Variants in TLE3 observed in about 807,000 individuals in gnomAD.
The protein encoded by TLE3 is transducin-like enhancer protein 3.
In TLE3, 14 loss-of-function variants were observed where a neutral mutation model predicts 93.0. That is an observed-to-expected ratio of 0.15 (90% CI 0.10 to 0.24). The LOEUF (loss-of-function observed/expected upper bound fraction) is 0.24, where lower values mean the gene tolerates loss of function less well. Among genes scored for constraint, TLE3 ranks in the 10% least tolerant of loss-of-function variants. The probability of loss-of-function intolerance (pLI) is 1.00; values close to 1 mark genes in which losing one functional copy is unlikely to be tolerated. For synonymous variants in TLE3, 451 were observed against 425.0 expected (o/e 1.06, Z -0.75); for missense variants, 693 against 1,046.6 (o/e 0.66, Z 4.66).
intron 2 of TLE3, 72 bp from the exon 3 acceptor site, chr15:70,095,713 C>T: frequency 2.6e-6 from 4 of 1,511,688 alleles, no homozygotes; most frequent in Non-Finnish European, 3.5e-6. Context: ...ACCCAAGGGC[C>T]TCTAGAGCCA....
Position 70,060,677 on chromosome 15 carries a change from A to G in TLE3, c.595-28T>C. The stretch of plus-strand genomic sequence containing the variant: ...GGAAGGAAAAAGAGGGTTCGGGGTT[A>G]AAACTTTCTGCTGCGTGTAACAATT... On this transcript the variant is annotated intron_variant, in intron 8 of 19. Transcript: ENST00000451782. 1.9e-6 allele frequency: 3 copies of G among 1,611,550 alleles called. No individual in the cohort carries two copies. In the Admixed American group the frequency reaches 5.0e-5, roughly 27 times the overall value.
chr15:70,073,275 A>C (rs573748777), intron 6 of TLE3, among the ~76,000 whole-genome samples: 44 of 152,318 alleles, frequency 2.9e-4, no homozygotes, highest in African/African-American at 9.1e-4. Flanking sequence ...ACTGAGGCCC[A>C]AGGAAGAGAA....
Position 70,074,591 on chromosome 15 carries a change from G to A in TLE3, c.314C>T (p.Ala105Val), listed in dbSNP as rs776335125. The A allele has an allele frequency of 1.7e-5, 27 of 1,609,814 alleles. No individual in the cohort carries two copies. The highest frequency in any genetic ancestry group is 2.0e-5 in the Non-Finnish European group (24 of 1,178,338). The change falls in exon 6 of 20, where the codon GCG (alanine) becomes GTG (valine). Residue 105 changes from alanine to valine, a missense_variant. Coordinates refer to ENST00000451782, the MANE Select transcript of TLE3 (RefSeq NM_001105192.3). ...CTGCTTGGCGCGCTCCACTGCCTGC[G>A]CCACCTGCTGCTGGTGCTGGAGGGA... The part of the protein sequence containing the change: ...FLSQEHQQQV[A>V]QAVERAKQVT...
At chr15:70,052,636 C>T in intron 17 of TLE3, 112 bp from the exon 18 acceptor site, 1 of 1,266,294 alleles carries the variant, frequency 7.9e-7, no homozygotes, top group Non-Finnish European at 1.1e-6. Context: ...TCCCTCCCCA[C>T]CCACCCAATA....
At chr15:70,053,151 C>A in intron 17 of TLE3, 76 bp downstream of exon 17, 1 of 1,521,756 alleles carries the variant, frequency 6.6e-7, no homozygotes. Flanking sequence ...TCCCTTTGTC[C>A]CTGACCCAGC....
Position 70,097,798 on chromosome 15 carries a change from ACG to A in TLE3, c.-1002_-1001del, listed in dbSNP as rs2058632594. On this transcript the variant is annotated 5_prime_UTR_variant, in exon 1 of 20. Transcript: ENST00000451782. ...ACACCCAACACACACACACGCGCGC[ACG>A]CACACACACACACACCAAAAAAAAA... The A allele has an allele frequency of 5.6e-5, 19 of 339,918 alleles. No individual in the cohort carries two copies. Among genetic ancestry groups the A allele is most frequent in the Non-Finnish European group, 6.4e-5 (13 of 202,476 alleles). 21.1% of individuals were successfully genotyped at this position (339,918 alleles called of 1,614,324 possible).
At chr15:70,077,949 T>C (rs1230536262) in intron 4 of TLE3, among the ~76,000 whole-genome samples, 1 of 152,230 alleles carries the variant, frequency 6.6e-6, no homozygotes, top group African/African-American at 2.4e-5. Flanking sequence ...TGGGGCACTC[T>C]AGCCAGGACA....
chr15:70,063,163 C>T (rs1377900228), intron 8 of TLE3, among the ~76,000 whole-genome samples: 2 of 152,140 alleles, frequency 1.3e-5, no homozygotes, highest in East Asian at 3.9e-4. Flanking sequence ...GAATTATTCC[C>T]ATGGTATGGA....
At chr15:70,067,834 G>A (rs2056906264) in intron 6 of TLE3, among the ~76,000 whole-genome samples, 1 of 152,242 alleles carries the variant, frequency 6.6e-6, no homozygotes, top group Non-Finnish European at 1.5e-5. Context: ...TCAGTTCTGG[G>A]TGAAAGGCTG....
rs2055372309 is a variant in TLE3 at position 70,049,957 on chromosome 15, A to T, written c.*140T>A. ...ACTGTGACGGGGCACGTGCCCTCTC[A>T]GCCGGCCGGAGCGCAGCCCTGAACG... On this transcript the variant is annotated 3_prime_UTR_variant, in exon 20 of 20. Transcript: ENST00000451782. The T allele has an allele frequency of 4.5e-6, 3 of 663,956 alleles. No homozygotes were observed. The highest frequency in any genetic ancestry group is 8.0e-6 in the Non-Finnish European group (3 of 376,364). The allele number at this position is 663,956 out of a possible 1,614,324, so 41.1% of individuals were successfully genotyped here.
At chr15:70,064,656 G>A (rs2056702051) in intron 7 of TLE3, among the ~76,000 whole-genome samples, 186 bp from the exon 8 acceptor site, 1 of 152,172 alleles carries the variant, frequency 6.6e-6, no homozygotes, top group Admixed American at 6.5e-5. Flanking sequence ...GCCATTAGGT[G>A]GCGTTTCTCG....
At position 70,058,299 on chromosome 15, in the gene TLE3, G is replaced by A. The variant is rs910824351; in HGVS notation, c.919-8C>T. On this transcript the variant is annotated splice_region_variant and splice_polypyrimidine_tract_variant and intron_variant, in intron 11 of 19. Coordinates refer to ENST00000451782, the MANE Select transcript of TLE3 (RefSeq NM_001105192.3). This position sits in a 1 kb window ranked among gnomAD's most constrained non-coding sequence, Gnocchi z 4.1. The stretch of plus-strand genomic sequence containing the variant: ...GGTGGAGGATTTGTCGTTCTGAAGA[G>A]GGGAGATGCAGAACAAGGGAGGCCA... 4 of 1,597,286 alleles carry A rather than the reference G, an allele frequency of 2.5e-6. No individual in the cohort carries two copies. The African/African-American group carries it at 5.4e-5, about 21-fold the overall frequency.
intron 4 of TLE3, among the ~76,000 whole-genome samples, chr15:70,089,414 G>A (rs1305497849): frequency 6.6e-6 from 1 of 152,142 alleles, no homozygotes; most frequent in African/African-American, 2.4e-5. Flanking sequence ...TAACTGCTTT[G>A]GGAATGAATC....
At chr15:70,060,484 C>G in intron 9 of TLE3, 46 bp downstream of exon 9, 1 of 1,610,098 alleles carries the variant, frequency 6.2e-7, no homozygotes, top group Non-Finnish European at 8.5e-7. Context: ...CACCCCCTGC[C>G]CTACCCAACA....
At position 70,065,095 on chromosome 15, in the gene TLE3, C is replaced by CAGTAA. The variant is rs796614673; in HGVS notation, c.578-626_578-625insTTACT. Among the ~76,000 whole-genome samples the CAGTAA allele has an allele frequency of 1.5e-3, 222 of 152,282 alleles. 1 individual carries two copies. Among genetic ancestry groups the CAGTAA allele is most frequent in the African/African-American group, 5.2e-3 (215 of 41,564 alleles). ...CTCTTCCTCTGCCAAAAGGACCATC[C>CAGTAA]TACTGTAAGACAAAAAAATGTAGCC... On this transcript the variant is annotated intron_variant, in intron 7 of 19. Transcript: ENST00000451782.
intron 4 of TLE3, among the ~76,000 whole-genome samples, chr15:70,076,598 A>C (rs1490903856): frequency 2.6e-5 from 4 of 152,216 alleles, no homozygotes; most frequent in African/African-American, 7.2e-5. Context: ...GATAAATGGG[A>C]CTAAGCTGAT....
chr15:70,054,766 C>T, intron 15 of TLE3, 81 bp from the exon 16 acceptor site: 1 of 1,457,058 alleles, frequency 6.9e-7, no homozygotes, highest in Non-Finnish European at 9.1e-7. Flanking sequence ...CAACACCGAG[C>T]ACCCTCACCA....
intron 6 of TLE3, among the ~76,000 whole-genome samples, chr15:70,070,030 G>T (rs750114372): frequency 6.6e-6 from 1 of 152,234 alleles, no homozygotes; most frequent in African/African-American, 2.4e-5. Flanking sequence ...ATCAGAGACC[G>T]CCTGTCTCCA....
chr15:70,078,010 T>TAAA (rs1353721802), intron 4 of TLE3, among the ~76,000 whole-genome samples: 1 of 152,226 alleles, frequency 6.6e-6, no homozygotes, highest in Non-Finnish European at 1.5e-5. Context: ...TGAGGTCAGA[T>TAAA]AATTCACTGC....
Sources: allele counts gnomAD v4.1 joint callset (sites outside exome capture counted in the v4.1 genomes callset), GRCh38; gene constraint gnomAD v4.1.1; non-coding constraint Gnocchi (gnomAD v3.1); transcripts MANE v1.5; gene names NCBI Gene and HGNC (gene_info 2026-07-23, HGNC 2026-07-21).